Variants in WDFY4 observed in about 807,000 individuals in gnomAD.
The protein encoded by WDFY4 is WDFY family member 4.
In WDFY4, 169 loss-of-function variants were observed where a neutral mutation model predicts 351.9. The ratio of observed to expected loss-of-function variants is 0.48; its 90% CI spans 0.42 to 0.55. The LOEUF (loss-of-function observed/expected upper bound fraction) is 0.55, where lower values mean the gene tolerates loss of function less well. Among genes scored for constraint, WDFY4 ranks in the 20% least tolerant of loss-of-function variants. The pLI, the probability that WDFY4 is intolerant of heterozygous loss-of-function variation, is 0.00. For synonymous variants in WDFY4, 1,622 were observed against 1,574.6 expected, an observed-to-expected ratio of 1.03 and a Z score of -0.71; for missense variants, 3,803 against 3,935.6, an observed-to-expected ratio of 0.97 and a Z score of 0.90.
chr10:48,872,191 T>C (rs1410269603), intron 40 of WDFY4, among the ~76,000 whole-genome samples: 1 of 152,234 alleles, frequency 6.6e-6, no homozygotes, highest in African/African-American at 2.4e-5. Context: ...AATTTACTCA[T>C]TTAAAATGGC....
intron 11 of WDFY4, among the ~76,000 whole-genome samples, chr10:48,742,647 T>C (rs1039686669): frequency 2.0e-5 from 3 of 152,052 alleles, no homozygotes; most frequent in Non-Finnish European, 4.4e-5. Context: ...GATCAGGGAA[T>C]GAGAGGGGGA....
chr10:48,706,524 T>C (rs758084921), intron 1 of WDFY4, among the ~76,000 whole-genome samples: 2 of 152,178 alleles, frequency 1.3e-5, no homozygotes, highest in Non-Finnish European at 2.9e-5. Flanking sequence ...GATTTTATTC[T>C]ACCTGTCAAA....
At chr10:48,695,518 C>T (rs1188603731) in intron 1 of WDFY4, among the ~76,000 whole-genome samples, 2 of 152,228 alleles carry the variant, frequency 1.3e-5, no homozygotes, top group South Asian at 2.1e-4. Context: ...TTCTGAGTCT[C>T]GCTTTACCCA....
chr10:48,907,977 T>C (rs1035318559), intron 47 of WDFY4, among the ~76,000 whole-genome samples: 2 of 152,214 alleles, frequency 1.3e-5, no homozygotes, highest in African/African-American at 2.4e-5. Flanking sequence ...ATCTAGGAGC[T>C]TGTTCACACA....
intron 39 of WDFY4, among the ~76,000 whole-genome samples, chr10:48,854,173 G>A (rs558058484): frequency 2.0e-5 from 3 of 149,784 alleles, no homozygotes; most frequent in South Asian, 2.1e-4. Flanking sequence ...ACAGTGGTGC[G>A]ATCTCAGCTC....
At chr10:48,830,100 G>A (rs2068137680) in intron 37 of WDFY4, among the ~76,000 whole-genome samples, 1 of 152,190 alleles carries the variant, frequency 6.6e-6, no homozygotes, top group Non-Finnish European at 1.5e-5. Flanking sequence ...TTTAGGCATG[G>A]TTCAGGGGAT....
At position 48,743,480 on chromosome 10, in the gene WDFY4, T is replaced by C. The variant is rs1483079217; in HGVS notation, c.2391T>C (p.Asp797=). 6.5e-7 allele frequency: 1 copy of C among 1,546,508 alleles called. No homozygotes were observed. The highest frequency in any genetic ancestry group is 1.2e-5 in the South Asian group (1 of 84,052). The stretch of plus-strand genomic sequence containing the variant: ...GGACCAAGCAGGGGCCGGTTGTGGA[T>C]GTTCAGAAGGGAGAAACTGGCAGTG... ...SLRTKQGPVV[D]VQKGETGSDP... The change falls in exon 12 of 62, where the codon GAT becomes GAC. Residue 797 remains aspartate, a synonymous_variant. Coordinates refer to ENST00000325239, the MANE Select transcript of WDFY4 (RefSeq NM_001394531.1).
At chr10:48,964,812 T>G (rs961640809) in intron 54 of WDFY4, among the ~76,000 whole-genome samples, 4 of 152,246 alleles carry the variant, frequency 2.6e-5, no homozygotes, top group Non-Finnish European at 4.4e-5. Flanking sequence ...CTGTTGATCC[T>G]TGAACTGTGG....
chr10:48,867,294 A>G lies in WDFY4; in HGVS notation c.6693A>G (p.Arg2231=), dbSNP rs1245789153. Residue 2231 remains arginine, a synonymous_variant, in exon 40 of 62, where the codon AGA becomes AGG. Transcript: ENST00000325239. ...EDFVSCIENY[R]RRGQELYASL... ...TTGTGTCATGTATAGAGAACTACAG[A>G]AGAAGAGGACAAGAGCTATATGCAT... 1.3e-6 allele frequency: 2 copies of G among 1,496,458 alleles called. No homozygotes were observed. Among genetic ancestry groups the G allele is most frequent in the Non-Finnish European group, 1.8e-6 (2 of 1,118,046 alleles). The allele number at this position is 1,496,458 out of a possible 1,614,324, so 92.7% of individuals were successfully genotyped here. A position where few individuals can be genotyped will look rare whatever the true frequency, so the allele number is the denominator to read the frequency against.
intron 52 of WDFY4, among the ~76,000 whole-genome samples, chr10:48,959,445 C>T (rs1438359750): frequency 6.6e-6 from 1 of 152,176 alleles, no homozygotes; most frequent in African/African-American, 2.4e-5. Context: ...AGATATACCA[C>T]ACTGATGACA....
chr10:48,843,356 A>C (rs894889805), intron 39 of WDFY4, among the ~76,000 whole-genome samples: 1 of 152,196 alleles, frequency 6.6e-6, no homozygotes, highest in Admixed American at 6.5e-5. Flanking sequence ...CTGCAGGTCA[A>C]CTTGCAATAT....
At chr10:48,788,800 G>T in intron 21 of WDFY4, 125 bp downstream of exon 21, 1 of 1,259,880 alleles carries the variant, frequency 7.9e-7, no homozygotes, top group Non-Finnish European at 1.1e-6. Flanking sequence ...ACAAATACAT[G>T]TTTCCCACTT....
Position 48,731,552 on chromosome 10 carries a change from G to T in WDFY4, c.1572G>T (p.Met524Ile). 6.4e-7 allele frequency: 1 copy of T among 1,550,466 alleles called. No individual in the cohort carries two copies. The change falls in exon 9 of 62, where the codon ATG becomes ATT. Residue 524 changes from methionine to isoleucine, a missense_variant. Transcript: ENST00000325239. Reference protein sequence around the residue: ...LAQLRKQAKIMRKSGNKVSTP... With the variant: ...LAQLRKQAKIIRKSGNKVSTP... Reference sequence around the variant, plus strand: ...AGCTTCGGAAGCAAGCCAAGATCATGAGGAAGTCAGGTGCCACTGGGTGCA... The same window carrying T: ...AGCTTCGGAAGCAAGCCAAGATCATTAGGAAGTCAGGTGCCACTGGGTGCA...
intron 39 of WDFY4, among the ~76,000 whole-genome samples, 191 bp downstream of exon 39, chr10:48,832,900 T>C (rs1342041090): frequency 6.6e-6 from 1 of 152,180 alleles, no homozygotes; most frequent in African/African-American, 2.4e-5. Flanking sequence ...CTTGTTCCCA[T>C]TCTCAACTGG....
rs185110792 is a variant in WDFY4, at chr10:48,820,202, G to A, written c.5506-32G>A. 5 of 1,550,158 alleles carry A rather than the reference G, an allele frequency of 3.2e-6. No individual in the cohort carries two copies. In the African/African-American group the frequency reaches 4.1e-5, roughly 13 times the overall value. On this transcript the variant is annotated intron_variant, in intron 32 of 61. Coordinates refer to ENST00000325239, the MANE Select transcript of WDFY4 (RefSeq NM_001394531.1). ...TGGGAAAGAGCTTGAGGCAGGGCAGGCCACTCATGTTGGGGTTCTCTTGTC... is the reference window on the plus strand; with the variant it reads ...TGGGAAAGAGCTTGAGGCAGGGCAGACCACTCATGTTGGGGTTCTCTTGTC...
intron 47 of WDFY4, among the ~76,000 whole-genome samples, chr10:48,919,242 C>T (rs2133565822): frequency 6.6e-6 from 1 of 151,596 alleles, no homozygotes; most frequent in East Asian, 1.9e-4. Context: ...TACTAAATCC[C>T]ACAGGCATTA....
intron 1 of WDFY4, among the ~76,000 whole-genome samples, chr10:48,707,928 G>A (rs2063673866): frequency 6.6e-6 from 1 of 152,022 alleles, no homozygotes; most frequent in South Asian, 2.1e-4. Context: ...GCCCCTTAGA[G>A]TTAGCCCCCC....
At chr10:48,821,207 A>C in intron 34 of WDFY4, 31 bp downstream of exon 34, 1 of 1,503,050 alleles carries the variant, frequency 6.7e-7, no homozygotes, top group Non-Finnish European at 9.1e-7. Context: ...CCCTCCATTC[A>C]TGACATGAGG....
At chr10:48,813,577 A>C (rs896198088) in intron 30 of WDFY4, among the ~76,000 whole-genome samples, 11 of 152,186 alleles carry the variant, frequency 7.2e-5, no homozygotes, top group African/African-American at 2.2e-4. Context: ...CTGATTCTAA[A>C]CCCTAAGTTT....
Sources: allele counts gnomAD v4.1 joint callset (sites outside exome capture counted in the v4.1 genomes callset), GRCh38; gene constraint gnomAD v4.1.1; transcripts MANE v1.5; gene names NCBI Gene and HGNC (gene_info 2026-07-23, HGNC 2026-07-21).